The following NPR3 variants were observed in gnomAD, a reference collection of about 807,000 sequenced individuals.
The protein encoded by NPR3 is atrial natriuretic peptide receptor 3.
NPR3 carries 34 observed loss-of-function variants against 54.5 expected under a neutral mutation model. That is an observed-to-expected ratio of 0.62 (90% CI 0.47 to 0.83). The LOEUF (loss-of-function observed/expected upper bound fraction) is 0.83. NPR3 is among the 40% of genes least tolerant of loss of function. The probability of loss-of-function intolerance (pLI) is 0.00; values close to 1 mark genes in which losing one functional copy is unlikely to be tolerated. For missense variants in NPR3, 674 were observed against 720.8 expected, an observed-to-expected ratio of 0.94 and a Z score of 0.74; for synonymous variants, 289 against 297.1, an observed-to-expected ratio of 0.97 and a Z score of 0.28.
intron 3 of NPR3, among the ~76,000 whole-genome samples, chr5:32,771,051 T>C (rs1375870024): frequency 6.9e-6 from 1 of 145,354 alleles, no homozygotes. Flanking sequence ...TCATACATGG[T>C]TTTTTTTTTT....
chr5:32,773,247 G>C (rs1741865532), intron 3 of NPR3, among the ~76,000 whole-genome samples: 1 of 152,140 alleles, frequency 6.6e-6, no homozygotes, highest in South Asian at 2.1e-4. Flanking sequence ...TGGATTTTTT[G>C]TACTTTTTGT....
chr5:32,775,003 A>G (rs1291970344), intron 4 of NPR3, among the ~76,000 whole-genome samples, 160 bp downstream of exon 4: 1 of 152,166 alleles, frequency 6.6e-6, no homozygotes, highest in African/African-American at 2.4e-5. Flanking sequence ...ATTAAATGAG[A>G]TAATACACGT....
In NPR3 at chr5:32,787,730, C is replaced by G. The variant is rs544482945; in HGVS notation, c.*1385C>G. On this transcript the variant is annotated 3_prime_UTR_variant, in exon 8 of 8. Transcript: ENST00000265074. ...GTTTTTACTGGGTATCTGCTTTGCACCCAGTAGTCTGCAACATGAGTTTAA... is the reference window on the plus strand; with the variant it reads ...GTTTTTACTGGGTATCTGCTTTGCAGCCAGTAGTCTGCAACATGAGTTTAA... 1.3e-5 allele frequency: 2 copies of G among 152,104 alleles called. No individual in the cohort carries two copies. Among genetic ancestry groups the G allele is most frequent in the Non-Finnish European group, 2.9e-5 (2 of 68,022 alleles). The allele number at this position is 152,104 out of a possible 1,614,324, so 9.4% of individuals were successfully genotyped here.
chr5:32,705,043 A>G (rs960595711), upstream of NPR3, among the ~76,000 whole-genome samples: 9 of 152,248 alleles, frequency 5.9e-5, no homozygotes, highest in Admixed American at 3.3e-4. Context: ...CTAACTTTTT[A>G]TGACATGTCT....
intron 7 of NPR3, among the ~76,000 whole-genome samples, chr5:32,785,204 G>T (rs1195224579): frequency 6.9e-6 from 1 of 145,242 alleles, no homozygotes; most frequent in Non-Finnish European, 1.5e-5. Flanking sequence ...CCAGGCTGGA[G>T]TGCAGTGGCA....
At chr5:32,768,582 T>C (rs1741594693) in intron 3 of NPR3, among the ~76,000 whole-genome samples, 1 of 152,152 alleles carries the variant, frequency 6.6e-6, no homozygotes. Flanking sequence ...GTGTGCCAGC[T>C]GTGTGACCCT....
chr5:32,705,740 G>A (rs1038255706), upstream of NPR3, among the ~76,000 whole-genome samples: 3 of 152,068 alleles, frequency 2.0e-5, no homozygotes, highest in African/African-American at 7.2e-5. Context: ...TTTGGGGAGG[G>A]ACACAGATTC....
At position 32,774,848 on chromosome 5, in the gene NPR3, G is replaced by A. The variant is rs1732802454; in HGVS notation, c.1195+5G>A. On this transcript the variant is annotated splice_donor_5th_base_variant and intron_variant, in intron 4 of 7. Coordinates refer to ENST00000265074, the MANE Select transcript of NPR3 (RefSeq NM_001204375.2). ...CTTGGAACAGAACATTTGAAGGTGGGGATTCCATCTATAAGGCAATTACAT... is the reference window on the plus strand; with the variant it reads ...CTTGGAACAGAACATTTGAAGGTGGAGATTCCATCTATAAGGCAATTACAT... 2.5e-6 allele frequency: 4 copies of A among 1,609,310 alleles called. No individual in the cohort carries two copies. In the Admixed American group the frequency reaches 5.0e-5, roughly 20 times the overall value.
chr5:32,741,613 A>G (rs1038685561), intron 3 of NPR3, among the ~76,000 whole-genome samples: 4 of 152,220 alleles, frequency 2.6e-5, no homozygotes, highest in Admixed American at 6.5e-5. Context: ...CTAGATTACC[A>G]TACTGCTTCC....
At chr5:32,778,198 C>T (rs1742166641) in intron 4 of NPR3, among the ~76,000 whole-genome samples, 1 of 152,148 alleles carries the variant, frequency 6.6e-6, no homozygotes, top group Non-Finnish European at 1.5e-5. Flanking sequence ...GAAATGAGTC[C>T]TGAAACAATC....
intron 4 of NPR3, among the ~76,000 whole-genome samples, chr5:32,779,474 C>T (rs975054391): frequency 6.6e-6 from 1 of 152,202 alleles, no homozygotes; most frequent in Non-Finnish European, 1.5e-5. Context: ...CAAGGCCCTC[C>T]GTTCTCTGGC....
At chr5:32,747,757 A>AT (rs34349060) in intron 3 of NPR3, among the ~76,000 whole-genome samples, 1,460 of 135,918 alleles carry the variant, frequency 0.011, 18 homozygotes, top group African/African-American at 0.029. Context: ...GGAGGCATGC[A>AT]TTTTTTTTTT....
At chr5:32,783,628 A>C (rs1742453158) in intron 6 of NPR3, 1 of 152,280 alleles carries the variant, frequency 6.6e-6, no homozygotes, top group African/African-American at 2.4e-5. Context: ...TGATCATTTT[A>C]GGCTAATATA....
At chr5:32,735,858 A>G (rs1739712464) in intron 2 of NPR3, among the ~76,000 whole-genome samples, 1 of 152,240 alleles carries the variant, frequency 6.6e-6, no homozygotes, top group Non-Finnish European at 1.5e-5. Context: ...TCGTAGTATC[A>G]GTTATGGTTG....
upstream of NPR3, among the ~76,000 whole-genome samples, chr5:32,705,711 AT>A (rs1225919315): frequency 1.3e-5 from 2 of 152,138 alleles, no homozygotes; most frequent in African/African-American, 4.8e-5. Flanking sequence ...AATATTGGGG[AT>A]TACAATTCAA....
intron 3 of NPR3, among the ~76,000 whole-genome samples, chr5:32,756,984 C>A (rs1419597006): frequency 7.2e-5 from 11 of 152,210 alleles, no homozygotes; most frequent in Admixed American, 7.2e-4. Flanking sequence ...GGTAGCAGTA[C>A]CATGCTGTTT....
intron 1 of NPR3, among the ~76,000 whole-genome samples, chr5:32,702,596 A>AT (rs978671908): frequency 3.3e-4 from 50 of 152,094 alleles, no homozygotes; most frequent in African/African-American, 1.1e-3. Context: ...TGAACTCATC[A>AT]TTTTTTATGG....
chr5:32,705,835 A>G (rs1310199582), upstream of NPR3, among the ~76,000 whole-genome samples: 1 of 152,212 alleles, frequency 6.6e-6, no homozygotes, highest in Non-Finnish European at 1.5e-5. Context: ...CAGCTTCCAC[A>G]TTTCCAATGG....
At chr5:32,751,025 C>T (rs1024515623) in intron 3 of NPR3, among the ~76,000 whole-genome samples, 1 of 152,090 alleles carries the variant, frequency 6.6e-6, no homozygotes, top group Non-Finnish European at 1.5e-5. Flanking sequence ...TTTAAAAATG[C>T]GTCTTTCCTA....
Sources: gnomAD v4.1 joint callset for allele counts (sites outside exome capture counted in the v4.1 genomes callset) on GRCh38, gnomAD v4.1.1 for gene constraint, MANE v1.5 for transcripts, NCBI Gene and HGNC (gene_info 2026-07-23, HGNC 2026-07-21) for gene names.